The following XKR6 variants were observed in gnomAD, a reference collection of about 807,000 sequenced individuals.
XKR6 encodes XK-related protein 6.
In XKR6, 22 loss-of-function variants were observed where a neutral mutation model predicts 56.7. That is an observed-to-expected ratio of 0.39 (90% CI 0.28 to 0.55). The LOEUF is 0.55. Among genes scored for constraint, XKR6 ranks in the 20% least tolerant of loss-of-function variants. XKR6 has a pLI of 0.66. For missense variants in XKR6, 852 were observed against 889.0 expected, an observed-to-expected ratio of 0.96 and a Z score of 0.53; for synonymous variants, 524 against 387.8, an observed-to-expected ratio of 1.35 and a Z score of -4.13.
intron 2 of XKR6, among the ~76,000 whole-genome samples, chr8:10,901,078 T>C (rs1357884949): frequency 7.3e-6 from 1 of 136,454 alleles, no homozygotes; most frequent in East Asian, 2.0e-4. Flanking sequence ...TTTTTTAAGA[T>C]GGAGTCCCAC....
chr8:11,091,261 T>A (rs370436222), intron 1 of XKR6, among the ~76,000 whole-genome samples: 1 of 151,988 alleles, frequency 6.6e-6, no homozygotes, highest in Non-Finnish European at 1.5e-5. Context: ...TGAGACCCCA[T>A]CTCTACAAAA....
chr8:11,020,539 G>A (rs965459024), intron 1 of XKR6, among the ~76,000 whole-genome samples: 1 of 152,184 alleles, frequency 6.6e-6, no homozygotes. Flanking sequence ...AGCCTGGGAA[G>A]TATCACACAT....
chr8:11,110,068 G>A (rs1354733782), intron 1 of XKR6, among the ~76,000 whole-genome samples: 1 of 152,148 alleles, frequency 6.6e-6, no homozygotes, highest in Non-Finnish European at 1.5e-5. Flanking sequence ...CACCTCCCGG[G>A]TTCAAGCAAT....
intron 1 of XKR6, among the ~76,000 whole-genome samples, chr8:11,065,539 A>AT (rs201319433): frequency 1.2e-3 from 174 of 147,960 alleles, no homozygotes; most frequent in African/African-American, 3.9e-3. Context: ...TCATCTACTT[A>AT]TTTTTTTTTC....
At chr8:10,914,406 A>G (rs868098689) in intron 2 of XKR6, among the ~76,000 whole-genome samples, 5 of 152,182 alleles carry the variant, frequency 3.3e-5, no homozygotes, top group African/African-American at 1.2e-4. Context: ...AGATTCGTAA[A>G]GAATGGGAAA....
rs1385127736 is a variant in XKR6, at chr8:11,200,913, C to T, written c.427G>A (p.Val143Met). Residue 143 changes from valine (V) to methionine (M), a missense_variant, in exon 1 of 3, where the codon GTG becomes ATG. Coordinates refer to ENST00000416569, the MANE Select transcript of XKR6 (RefSeq NM_173683.4). This position sits in a 1 kb window ranked among gnomAD's most constrained non-coding sequence, Gnocchi z 6.4. ...VLALLVFFGD[V>M]GTDLWLALDY... ...AGGGCCAGCCACAGGTCGGTGCCCA[C>T]GTCCCCGAAGAACACCAGCAGCGCC... is the stretch of plus-strand genomic sequence containing the variant. 5.6e-6 allele frequency: 9 copies of T among 1,609,122 alleles called. No homozygotes were observed. The Middle Eastern group carries it at 5.0e-4, about 89-fold the overall frequency.
chr8:11,075,432 G>A (rs1800248403), intron 1 of XKR6, among the ~76,000 whole-genome samples: 1 of 152,114 alleles, frequency 6.6e-6, no homozygotes, highest in African/African-American at 2.4e-5. Flanking sequence ...ATTCCTCTTG[G>A]CAAAAGCTGA....
At chr8:11,113,521 G>C (rs1022828766) in intron 1 of XKR6, among the ~76,000 whole-genome samples, 11 of 151,804 alleles carry the variant, frequency 7.2e-5, no homozygotes, top group African/African-American at 2.2e-4. Context: ...ATTTTAAAAA[G>C]TAAAATAAAC....
intron 1 of XKR6, among the ~76,000 whole-genome samples, chr8:10,972,130 C>T (rs560340671): frequency 7.8e-4 from 118 of 152,192 alleles, no homozygotes; most frequent in South Asian, 3.1e-3. Context: ...CTTCCGACCC[C>T]GACTGCTTGG....
At chr8:10,938,718 C>G (rs1264342399) in intron 1 of XKR6, among the ~76,000 whole-genome samples, 1 of 152,074 alleles carries the variant, frequency 6.6e-6, no homozygotes, top group African/African-American at 2.4e-5. Context: ...AAAGTGGGCA[C>G]ATGGGAGAGT....
chr8:10,900,032 C>T (rs575905240), intron 2 of XKR6, among the ~76,000 whole-genome samples: 1 of 152,210 alleles, frequency 6.6e-6, no homozygotes. Flanking sequence ...GCATCAGTTC[C>T]ACAGTCCATC....
intron 1 of XKR6, among the ~76,000 whole-genome samples, chr8:11,063,516 C>CAAA (rs35995429): frequency 4.1e-5 from 5 of 120,710 alleles, no homozygotes; most frequent in African/African-American, 1.5e-4. Context: ...GGCCCTGTCT[C>CAAA]AAAAAAAAAA....
At chr8:11,056,380 T>G in intron 1 of XKR6, among the ~76,000 whole-genome samples, 1 of 152,196 alleles carries the variant, frequency 6.6e-6, no homozygotes, top group East Asian at 1.9e-4. Flanking sequence ...CCCCAGTTGC[T>G]CCAGAACGCC....
chr8:10,921,101 C>A (rs1445355596), intron 2 of XKR6, among the ~76,000 whole-genome samples: 1 of 152,272 alleles, frequency 6.6e-6, no homozygotes, highest in Non-Finnish European at 1.5e-5. Flanking sequence ...TGTCCTTGCA[C>A]AGACCCTGGC....
chr8:11,099,667 T>C (rs565191101), intron 1 of XKR6, among the ~76,000 whole-genome samples: 9 of 152,350 alleles, frequency 5.9e-5, no homozygotes, highest in South Asian at 2.1e-4. Flanking sequence ...TCAAATATTA[T>C]ATAGGTATTG....
intron 1 of XKR6, among the ~76,000 whole-genome samples, chr8:10,983,863 G>C (rs1157743339): frequency 6.6e-6 from 1 of 152,030 alleles, no homozygotes; most frequent in African/African-American, 2.4e-5. Flanking sequence ...CACCGTGTTA[G>C]CCAGGATGGT....
intron 1 of XKR6, among the ~76,000 whole-genome samples, chr8:11,063,350 T>G (rs1436740244): frequency 1.3e-5 from 2 of 151,280 alleles, no homozygotes; most frequent in Non-Finnish European, 3.0e-5. Flanking sequence ...AAAACAAAAT[T>G]AGCCAGGTGT....
chr8:11,085,500 A>C (rs534110305), intron 1 of XKR6, among the ~76,000 whole-genome samples: 1 of 152,164 alleles, frequency 6.6e-6, no homozygotes, highest in East Asian at 1.9e-4. Context: ...GTGCTTGTGC[A>C]TGCGTGGGCT....
chr8:11,135,570 C>G (rs146581586), intron 1 of XKR6, among the ~76,000 whole-genome samples: 209 of 152,102 alleles, frequency 1.4e-3, no homozygotes, highest in African/African-American at 4.8e-3. Flanking sequence ...TTTTCTAATT[C>G]TTGCTGTTAT....
Sources: allele counts gnomAD v4.1 joint callset (sites outside exome capture counted in the v4.1 genomes callset), GRCh38; gene constraint gnomAD v4.1.1; non-coding constraint Gnocchi (gnomAD v3.1); transcripts MANE v1.5; gene names NCBI Gene and HGNC (gene_info 2026-07-23, HGNC 2026-07-21).